Variants in FBXO16 observed in about 807,000 individuals in gnomAD.
FBXO16 encodes F-box only protein 16.
Under a neutral mutation model 41.0 loss-of-function variants are expected in FBXO16, and 31 were observed. The ratio of observed to expected loss-of-function variants is 0.76; its 90% CI spans 0.57 to 1.02. The LOEUF (loss-of-function observed/expected upper bound fraction) is 1.02, where lower values mean the gene tolerates loss of function less well. Ranked by LOEUF, FBXO16 falls within the 50% of genes least tolerant of loss-of-function variation. The pLI is 0.00. For synonymous variants in FBXO16, 133 were observed against 117.8 expected, an observed-to-expected ratio of 1.13 and a Z score of -0.84; for missense variants, 361 against 346.2, an observed-to-expected ratio of 1.04 and a Z score of -0.34.
Position 28,428,445 on chromosome 8 carries a change from G to A in FBXO16, c.*282C>T, listed in dbSNP as rs2130063411. On this transcript the variant is annotated 3_prime_UTR_variant, in exon 9 of 9. Coordinates refer to ENST00000380254, the MANE Select transcript of FBXO16 (RefSeq NM_172366.4). ...ATTCCTTTTTACTGAAATACCGTAG[G>A]ACTCACTACCACAATAAGTACTTAA... is the stretch of plus-strand genomic sequence containing the variant. The A allele has an allele frequency of 1.1e-6, 1 of 917,368 alleles. No homozygotes were observed. Among genetic ancestry groups the A allele is most frequent in the East Asian group, 2.9e-5 (1 of 34,716 alleles). The allele number at this position is 917,368 out of a possible 1,614,324, so 56.8% of individuals were successfully genotyped here. A position where few individuals can be genotyped will look rare whatever the true frequency, so the allele number is the denominator to read the frequency against.
chr8:28,482,489 C>T (rs563608749), intron 2 of FBXO16, among the ~76,000 whole-genome samples: 3 of 152,262 alleles, frequency 2.0e-5, no homozygotes, highest in African/African-American at 4.8e-5. Context: ...ACACCCCAGC[C>T]GTCCACCGTG....
chr8:28,441,692 CGCCATT>C (rs1298476840), intron 7 of FBXO16, among the ~76,000 whole-genome samples: 1 of 147,304 alleles, frequency 6.8e-6, no homozygotes, highest in Non-Finnish European at 1.5e-5. Context: ...GCCGAGATCG[CGCCATT>C]GCACTCCAGC....
chr8:28,430,952 C>T (rs1398550770), intron 7 of FBXO16, among the ~76,000 whole-genome samples: 3 of 152,094 alleles, frequency 2.0e-5, no homozygotes, highest in Admixed American at 6.5e-5. Flanking sequence ...GCCTGGGCAA[C>T]ATGAGTGAAA....
chr8:28,471,935 T>C (rs1803343244), intron 3 of FBXO16, among the ~76,000 whole-genome samples: 2 of 151,714 alleles, frequency 1.3e-5, no homozygotes, highest in Non-Finnish European at 2.9e-5. Context: ...TGATGAAGGA[T>C]AGTTGTATCT....
Position 28,480,290 on chromosome 8 carries a change from T to C in FBXO16, c.99+3058A>G, listed in dbSNP as rs17059157. Reference sequence around the variant, plus strand: ...AATTGCTCATCAGTAGAAACTGATTTGACTAGAAATAGAAGGTACTGAGCA... The same window carrying C: ...AATTGCTCATCAGTAGAAACTGATTCGACTAGAAATAGAAGGTACTGAGCA... On this transcript the variant is annotated intron_variant, in intron 2 of 8. Transcript: ENST00000380254. Among the ~76,000 whole-genome samples the C allele has an allele frequency of 2.5e-3, 378 of 152,274 alleles. 1 individual carries two copies. The highest frequency in any genetic ancestry group is 8.9e-3 in the African/African-American group (371 of 41,538).
chr8:28,466,399 AACTGCGAAGACT>A (rs943729474), intron 3 of FBXO16, among the ~76,000 whole-genome samples: 11 of 152,278 alleles, frequency 7.2e-5, no homozygotes, highest in African/African-American at 2.6e-4. Context: ...CAAAAACTTT[AACTGCGAAGACT>A]ACAGGAATAA....
intron 7 of FBXO16, among the ~76,000 whole-genome samples, chr8:28,445,796 CA>C (rs1202083690): frequency 6.6e-6 from 1 of 152,074 alleles, no homozygotes. Flanking sequence ...TACATTTTAA[CA>C]GAAAGTAATA....
intron 4 of FBXO16, among the ~76,000 whole-genome samples, chr8:28,462,753 T>C (rs550499135): frequency 6.6e-6 from 1 of 152,300 alleles, no homozygotes; most frequent in South Asian, 2.1e-4. Context: ...GAATTACTTG[T>C]AAAAGAAAAA....
intron 7 of FBXO16, among the ~76,000 whole-genome samples, chr8:28,431,950 G>GT (rs1554524095): frequency 9.3e-5 from 14 of 150,610 alleles, no homozygotes; most frequent in South Asian, 2.1e-4. Flanking sequence ...CCAGGGTTGT[G>GT]TTTTTTTTTC....
At chr8:28,473,665 A>G (rs2130181120) in intron 3 of FBXO16, 107 bp downstream of exon 3, 3 of 942,858 alleles carry the variant, frequency 3.2e-6, no homozygotes, top group East Asian at 4.9e-5. Context: ...GTTGAGTAAA[A>G]TATGTCTGTT....
chr8:28,445,285 C>G (rs186603055), intron 7 of FBXO16, among the ~76,000 whole-genome samples: 23 of 152,280 alleles, frequency 1.5e-4, no homozygotes, highest in Admixed American at 6.5e-4. Context: ...ATTAGCGCAA[C>G]TTTTTAACTT....
Position 28,431,552 on chromosome 8 carries a change from A to G in FBXO16, c.844-2149T>C, listed in dbSNP as rs553575606. Among the ~76,000 whole-genome samples the G allele has an allele frequency of 2.6e-5, 4 of 152,194 alleles. No individual in the cohort carries two copies. In the East Asian group the frequency reaches 5.8e-4, roughly 22 times the overall value. ...CTCCAAAACCTTTTCTTTCCTACTGATCTTTTCCCTTGGCTGTGAATCCAC... is the reference window on the plus strand; with the variant it reads ...CTCCAAAACCTTTTCTTTCCTACTGGTCTTTTCCCTTGGCTGTGAATCCAC... On this transcript the variant is annotated intron_variant, in intron 7 of 8. Coordinates refer to ENST00000380254, the MANE Select transcript of FBXO16 (RefSeq NM_172366.4).
chr8:28,445,138 T>C (rs902987753), intron 7 of FBXO16, among the ~76,000 whole-genome samples: 2 of 152,044 alleles, frequency 1.3e-5, no homozygotes, highest in Non-Finnish European at 2.9e-5. Flanking sequence ...TTATCAAAAC[T>C]ACGAAACATA....
chr8:28,460,240 TATA>T (rs1474423186), intron 4 of FBXO16, among the ~76,000 whole-genome samples: 11 of 95,502 alleles, frequency 1.2e-4, no homozygotes, highest in African/African-American at 6.5e-4. Context: ...TATATATATA[TATA>T]TATTTTTTTT....
At chr8:28,448,441 C>G (rs1802902159) in intron 6 of FBXO16, among the ~76,000 whole-genome samples, 1 of 151,434 alleles carries the variant, frequency 6.6e-6, no homozygotes, top group African/African-American at 2.4e-5. Flanking sequence ...CCAAGTATAG[C>G]TTATTTTGTA....
chr8:28,443,114 G>A (rs907663126), intron 7 of FBXO16, among the ~76,000 whole-genome samples: 1 of 151,888 alleles, frequency 6.6e-6, no homozygotes, highest in African/African-American at 2.4e-5. Context: ...AAACTCCCGG[G>A]CTCAAGTGAT....
At chr8:28,454,807 G>C (rs532747822) in intron 5 of FBXO16, among the ~76,000 whole-genome samples, 2 of 149,272 alleles carry the variant, frequency 1.3e-5, no homozygotes, top group African/African-American at 5.0e-5. Flanking sequence ...ATAGGTAATA[G>C]TGAAATCTGT....
intron 2 of FBXO16, among the ~76,000 whole-genome samples, chr8:28,482,451 T>C (rs1383916258): frequency 2.6e-5 from 4 of 152,180 alleles, no homozygotes; most frequent in Non-Finnish European, 5.9e-5. Context: ...GAAGCAGGAA[T>C]AGAAACCCCT....
intron 3 of FBXO16, among the ~76,000 whole-genome samples, chr8:28,469,214 GA>G (rs1357408228): frequency 1.6e-4 from 24 of 152,052 alleles, no homozygotes; most frequent in Non-Finnish European, 1.5e-4. Context: ...TCGGGAGGCT[GA>G]AGGAGGAGAA....
Sources: gnomAD v4.1 joint callset for allele counts (sites outside exome capture counted in the v4.1 genomes callset) on GRCh38, gnomAD v4.1.1 for gene constraint, MANE v1.5 for transcripts, NCBI Gene and HGNC (gene_info 2026-07-23, HGNC 2026-07-21) for gene names.